Variants in TRMO observed in about 807,000 individuals in gnomAD.
TRMO encodes tRNA (adenine(37)-N6)-methyltransferase.
In TRMO, 30 loss-of-function variants were observed where a neutral mutation model predicts 37.2. The ratio of observed to expected loss-of-function variants is 0.81; its 90% CI spans 0.60 to 1.09. TRMO has a LOEUF of 1.09. Among genes scored for constraint, TRMO ranks in the 50% least tolerant of loss-of-function variants. The probability of loss-of-function intolerance (pLI) is 0.00; values close to 1 mark genes in which losing one functional copy is unlikely to be tolerated. For synonymous variants in TRMO, 239 were observed against 199.4 expected (o/e 1.20, Z -1.67); for missense variants, 552 against 549.5 (o/e 1.00, Z -0.05).
Position 97,916,218 on chromosome 9 carries a change from A to G in TRMO, c.197T>C (p.Ile66Thr). 1 of 1,613,504 alleles carries G rather than the reference A, an allele frequency of 6.2e-7. No homozygotes were observed. The highest frequency in any genetic ancestry group is 8.5e-7 in the Non-Finnish European group (1 of 1,179,528). The change falls in exon 2 of 5, where the codon ATC (isoleucine) becomes ACC (threonine). Residue 66 changes from isoleucine (I) to threonine (T), a missense_variant. Transcript: ENST00000375119. ...SRACLRIRKRIFNNPEHSLMG... is the reference protein window; with the variant it reads ...SRACLRIRKRTFNNPEHSLMG... ...CAAGGAATGTTCAGGATTATTAAAG[A>G]TCCTCTTTCTAATCCTCAAACAGGC... is the stretch of plus-strand genomic sequence containing the variant.
chr9:97,903,460 C>T (rs1374699802), downstream of TRMO, among the ~76,000 whole-genome samples: 6 of 152,138 alleles, frequency 3.9e-5, no homozygotes, highest in Admixed American at 3.3e-4. Context: ...CAGCTCATTT[C>T]GATCAGCTAT....
chr9:97,907,442 C>G (rs1825902759), intron 4 of TRMO, among the ~76,000 whole-genome samples: 1 of 152,200 alleles, frequency 6.6e-6, no homozygotes, highest in Non-Finnish European at 1.5e-5. Flanking sequence ...GTTGGATTAT[C>G]AAAGCCAAAT....
At chr9:97,913,301 T>C (rs1203400965) in intron 3 of TRMO, 100 bp downstream of exon 3, 2 of 1,367,518 alleles carry the variant, frequency 1.5e-6, no homozygotes, top group Non-Finnish European at 2.1e-6. Context: ...GTTAACATCA[T>C]TGGTACTCGT....
Position 97,904,917 on chromosome 9 carries a change from G to A in TRMO, c.1142C>T (p.Ala381Val), listed in dbSNP as rs778202358. ...CCGGCGGTACACAGACCGAGGATCC[G>A]CTGACAGCACAGCCTCAATGGCACG... ...AKRAIEAVLS[A>V]DPRSVYRRKL... is the part of the protein sequence containing the mutation. Residue 381 changes from alanine to valine, a missense_variant, in exon 5 of 5, where the codon GCG (alanine) becomes GTG (valine). Coordinates refer to ENST00000375119, the MANE Select transcript of TRMO (RefSeq NM_016481.5). 34 of 1,614,000 alleles carry A rather than the reference G, an allele frequency of 2.1e-5. No individual in the cohort carries two copies. Among genetic ancestry groups the A allele is most frequent in the Middle Eastern group, 1.6e-4 (1 of 6,084 alleles).
chr9:97,906,469 C>T (rs1021766429), intron 4 of TRMO, among the ~76,000 whole-genome samples: 1 of 152,206 alleles, frequency 6.6e-6, no homozygotes, highest in African/African-American at 2.4e-5. Flanking sequence ...ACTCCAGCAC[C>T]AAACTTCCTC....
downstream of TRMO, among the ~76,000 whole-genome samples, chr9:97,902,151 T>G (rs1230352041): frequency 1.3e-5 from 2 of 152,202 alleles, no homozygotes; most frequent in Non-Finnish European, 2.9e-5. Context: ...GTTTTAATAA[T>G]GAGCACTGCC....
intron 2 of TRMO, 48 bp from the exon 3 acceptor site, chr9:97,913,606 A>G (rs1826228266): frequency 5.4e-6 from 7 of 1,302,354 alleles, no homozygotes; most frequent in Non-Finnish European, 7.7e-6. Context: ...AAAGAGCACA[A>G]GTTATTTTAC....
At chr9:97,913,136 G>C (rs1473061889) in intron 3 of TRMO, 8 of 466,424 alleles carry the variant, frequency 1.7e-5, no homozygotes, top group Non-Finnish European at 2.4e-5. Flanking sequence ...TTTAATGATT[G>C]TGAAATTTGT....
At chr9:97,910,958 C>T (rs1049311151) in intron 3 of TRMO, 7 of 502,122 alleles carry the variant, frequency 1.4e-5, no homozygotes, top group Non-Finnish European at 2.7e-5. Flanking sequence ...TAGTGACCTG[C>T]TTAGAGTCTT....
At chr9:97,918,245 G>A (rs1219163247) in intron 1 of TRMO, among the ~76,000 whole-genome samples, 5 of 150,812 alleles carry the variant, frequency 3.3e-5, no homozygotes, top group Non-Finnish European at 7.4e-5. Flanking sequence ...AAAATAATTA[G>A]CCAGGCATGG....
At chr9:97,911,051 T>G (rs771780173) in intron 3 of TRMO, 2 of 433,684 alleles carry the variant, frequency 4.6e-6, no homozygotes, top group South Asian at 3.3e-5. Flanking sequence ...TCCAGGGATA[T>G]AGTAGTCCTC....
intron 3 of TRMO, chr9:97,912,232 T>G (rs757037460): frequency 2.6e-5 from 4 of 152,306 alleles, no homozygotes; most frequent in Non-Finnish European, 5.9e-5. Context: ...GCTTATATAG[T>G]AATGTCTACA....
chr9:97,905,569 T>C (rs967517264), intron 4 of TRMO, among the ~76,000 whole-genome samples: 4 of 116,446 alleles, frequency 3.4e-5, no homozygotes, highest in Non-Finnish European at 6.7e-5. Context: ...CCTATGTTTG[T>C]AGGATTTTTA....
chr9:97,911,844 T>G (rs1826138872), intron 3 of TRMO: 1 of 152,184 alleles, frequency 6.6e-6, no homozygotes, highest in Non-Finnish European at 1.5e-5. Flanking sequence ...AAAAACTACA[T>G]GCAGTCACAT....
chr9:97,898,619 C>T, the TRMO span, among the ~76,000 whole-genome samples: 1 of 151,980 alleles, frequency 6.6e-6, no homozygotes, highest in Non-Finnish European at 1.5e-5. Context: ...AACTCCTGGC[C>T]TCAAACGATC....
downstream of TRMO, chr9:97,904,444 C>T: frequency 8.6e-7 from 1 of 1,158,632 alleles, no homozygotes; most frequent in Non-Finnish European, 1.1e-6. Context: ...CTAATTTTAT[C>T]AAGTGCACCA....
chr9:97,907,910 C>T (rs955667153), intron 4 of TRMO, among the ~76,000 whole-genome samples: 2 of 152,158 alleles, frequency 1.3e-5, no homozygotes, highest in African/African-American at 4.8e-5. Context: ...TCTGGACAGG[C>T]TGGCTCATGT....
chr9:97,903,047 G>T (rs1046843588), downstream of TRMO, among the ~76,000 whole-genome samples: 12 of 152,038 alleles, frequency 7.9e-5, no homozygotes, highest in Non-Finnish European at 1.5e-5. Context: ...AGGGAGGGTT[G>T]CTTGGTACCA....
Position 97,904,728 on chromosome 9 carries a change from G to T in TRMO, c.*5C>A, listed in dbSNP as rs1338942250. On this transcript the variant is annotated 3_prime_UTR_variant, in exon 5 of 5. Transcript: ENST00000375119. ...ATGCTACCTTAAAGACATGAGGGAGGCTCCTTAAGACCCTAGAGACACCAA... is the reference window on the plus strand; with the variant it reads ...ATGCTACCTTAAAGACATGAGGGAGTCTCCTTAAGACCCTAGAGACACCAA... 3.7e-6 allele frequency: 6 copies of T among 1,613,058 alleles called. No individual in the cohort carries two copies. The highest frequency in any genetic ancestry group is 5.1e-6 in the Non-Finnish European group (6 of 1,179,744).
Sources: gnomAD v4.1 joint callset for allele counts (sites outside exome capture counted in the v4.1 genomes callset) on GRCh38, gnomAD v4.1.1 for gene constraint, MANE v1.5 for transcripts, NCBI Gene and HGNC (gene_info 2026-07-23, HGNC 2026-07-21) for gene names.